ZNF536: variants seen among roughly 807,000 people sequenced by gnomAD.
The protein encoded by ZNF536 is zinc finger protein 536.
Under a neutral mutation model 84.5 loss-of-function variants are expected in ZNF536, and 13 were observed. The ratio of observed to expected loss-of-function variants is 0.15; its 90% CI spans 0.10 to 0.24. The LOEUF (loss-of-function observed/expected upper bound fraction) is 0.24. Among genes scored for constraint, ZNF536 ranks in the 10% least tolerant of loss-of-function variants. The pLI is 1.00. For synonymous variants in ZNF536, 811 were observed against 742.5 expected (o/e 1.09, Z -1.50); for missense variants, 1,536 against 1,747.5 (o/e 0.88, Z 2.16).
At chr19:30,448,040 A>G (rs1382210957) in intron 2 of ZNF536, among the ~76,000 whole-genome samples, 2 of 152,234 alleles carry the variant, frequency 1.3e-5, no homozygotes, top group Admixed American at 6.5e-5. Context: ...GCTTAAAAAG[A>G]ACCAACCGTG....
intron 1 of ZNF536, among the ~76,000 whole-genome samples, chr19:30,691,243 C>T (rs566506442): frequency 2.0e-5 from 3 of 152,192 alleles, no homozygotes; most frequent in African/African-American, 7.2e-5. Context: ...AGACCACCTC[C>T]GCTGGCCCAC....
intron 1 of ZNF536, among the ~76,000 whole-genome samples, chr19:30,431,400 G>A (rs570443994): frequency 2.0e-5 from 3 of 152,166 alleles, no homozygotes; most frequent in African/African-American, 4.8e-5. Flanking sequence ...GGCAGCAGGG[G>A]ACCCGATGGA....
At chr19:30,522,111 A>G (rs1232629628) in intron 2 of ZNF536, among the ~76,000 whole-genome samples, 1 of 151,532 alleles carries the variant, frequency 6.6e-6, no homozygotes, top group Non-Finnish European at 1.5e-5. Flanking sequence ...GACAATGGAC[A>G]GTGGAGTGGC....
chr19:30,492,048 A>G lies in ZNF536; in HGVS notation c.2171-42799A>G, dbSNP rs956417765. Among the ~76,000 whole-genome samples, 7 of 142,690 alleles carry G rather than the reference A, an allele frequency of 4.9e-5. No individual in the cohort carries two copies. The East Asian group carries it at 1.4e-3, about 28-fold the overall frequency. The allele number at this position is 142,690 out of a possible 152,430, so 93.6% of individuals were successfully genotyped here. Reference sequence around the variant, plus strand: ...CCTTTGCCTGGCTCACTAACTGGATATATGTACATAGGCGATGGGCACAGA... The same window carrying G: ...CCTTTGCCTGGCTCACTAACTGGATGTATGTACATAGGCGATGGGCACAGA... On this transcript the variant is annotated intron_variant, in intron 2 of 4. Coordinates refer to ENST00000355537, the MANE Select transcript of ZNF536 (RefSeq NM_014717.3).
intron 1 of ZNF536, among the ~76,000 whole-genome samples, chr19:30,649,576 G>C (rs1225346312): frequency 7.7e-6 from 1 of 129,976 alleles, no homozygotes; most frequent in South Asian, 2.3e-4. Context: ...TTGCTATTGT[G>C]AGATGCATCC....
intron 2 of ZNF536, among the ~76,000 whole-genome samples, chr19:30,491,625 T>TG (rs748768835): frequency 6.6e-6 from 1 of 152,078 alleles, no homozygotes; most frequent in Non-Finnish European, 1.5e-5. Flanking sequence ...CATTTAAAAA[T>TG]GGGGGAGAAT....
chr19:30,383,085 T>C (rs2049085847), intron 1 of ZNF536, among the ~76,000 whole-genome samples: 1 of 151,728 alleles, frequency 6.6e-6, no homozygotes, highest in South Asian at 2.1e-4. Flanking sequence ...AGGTCGGGAG[T>C]TCGAGACCAG....
rs113517028 is a variant in ZNF536 at position 30,586,001 on chromosome 19, A to T, written c.169+36487A>T. 1.7e-3 allele frequency among the ~76,000 whole-genome samples: 260 copies of T among 152,270 alleles called. 1 individual carries two copies. Among genetic ancestry groups the T allele is most frequent in the African/African-American group, 6.1e-3 (253 of 41,550 alleles). On this transcript the variant is annotated intron_variant, in intron 1 of 1. Transcript: ENST00000592773. ...GAGCTCATACGTATCAGTCAATCAG[A>T]CAAGATCCTCTATATACTTCCTCTA...
At chr19:30,423,803 C>G (rs10406409) in intron 1 of ZNF536, among the ~76,000 whole-genome samples, 5 of 144,370 alleles carry the variant, frequency 3.5e-5, no homozygotes, top group Non-Finnish European at 6.0e-5. Context: ...TGGCGGGGAA[C>G]GGGGGCCTGG....
At chr19:30,298,077 A>G (rs951516935) in intron 2 of ZNF536, among the ~76,000 whole-genome samples, 1 of 151,910 alleles carries the variant, frequency 6.6e-6, no homozygotes, top group Non-Finnish European at 1.5e-5. Context: ...ATGGGGTTTC[A>G]TCATATTGGT....
In ZNF536 at chr19:30,418,272, AG is replaced by A. The variant is rs2050815624; in HGVS notation, c.-2-25287del. 3.3e-5 allele frequency among the ~76,000 whole-genome samples: 5 copies of A among 152,278 alleles called. No homozygotes were observed. In the South Asian group the frequency reaches 1.0e-3, roughly 32 times the overall value. On this transcript the variant is annotated intron_variant, in intron 1 of 4. Coordinates refer to ENST00000355537, the MANE Select transcript of ZNF536 (RefSeq NM_014717.3). ...TTCCTGGTGTCCTGTTCTAAAATGAAGGAGACATCTGTGACCTACTCACTGT... is the reference window on the plus strand; with the variant it reads ...TTCCTGGTGTCCTGTTCTAAAATGAAGAGACATCTGTGACCTACTCACTGT...
intron 1 of ZNF536, among the ~76,000 whole-genome samples, chr19:30,626,528 G>A (rs572930371): frequency 6.6e-6 from 1 of 152,270 alleles, no homozygotes; most frequent in South Asian, 2.1e-4. Flanking sequence ...GCTCATTCTG[G>A]TTGCAAAGTT....
upstream of ZNF536, chr19:30,228,489 T>G (rs2022750724): frequency 6.6e-6 from 1 of 151,994 alleles, no homozygotes; most frequent in Non-Finnish European, 1.5e-5. This position sits in a 1 kb window ranked among gnomAD's most constrained non-coding sequence, Gnocchi z 4.5. Flanking sequence ...CCCATAAATC[T>G]GCCCGGCCCG....
At chr19:30,518,996 C>T (rs11671292) in intron 2 of ZNF536, among the ~76,000 whole-genome samples, 14,677 of 152,238 alleles carry the variant, frequency 0.096, 974 homozygotes, top group Non-Finnish European at 0.15. Context: ...GCAGAGCATC[C>T]GTGTGGCGGG....
chr19:30,273,258 T>G (rs2025953815), intron 1 of ZNF536, among the ~76,000 whole-genome samples: 1 of 152,144 alleles, frequency 6.6e-6, no homozygotes, highest in Middle Eastern at 3.2e-3. Flanking sequence ...CTCATTTGTA[T>G]AAATATCAAG....
intron 1 of ZNF536, among the ~76,000 whole-genome samples, chr19:30,258,841 C>T (rs2025047144): frequency 1.3e-5 from 2 of 151,888 alleles, no homozygotes; most frequent in Non-Finnish European, 2.9e-5. Context: ...CCTCAGCCTC[C>T]CGAGTAGCTG....
At chr19:30,288,476 A>G (rs564866863) in intron 2 of ZNF536, among the ~76,000 whole-genome samples, 5 of 152,320 alleles carry the variant, frequency 3.3e-5, no homozygotes, top group African/African-American at 1.2e-4. Flanking sequence ...ACTTATTCTC[A>G]GTGATAAGAG....
intron 1 of ZNF536, among the ~76,000 whole-genome samples, chr19:30,440,150 G>A (rs934178288): frequency 1.3e-5 from 2 of 151,558 alleles, no homozygotes; most frequent in African/African-American, 4.9e-5. Context: ...TAGTAGAGAC[G>A]AAGTTTCAAC....
chr19:30,459,354 C>CT (rs1257308245), intron 2 of ZNF536, among the ~76,000 whole-genome samples: 3,752 of 99,426 alleles, frequency 0.038, 149 homozygotes, highest in African/African-American at 0.094. Context: ...TTCTTTCTCT[C>CT]TTTTTTTTTT....
Sources: allele counts gnomAD v4.1 joint callset (sites outside exome capture counted in the v4.1 genomes callset), GRCh38; gene constraint gnomAD v4.1.1; non-coding constraint Gnocchi (gnomAD v3.1); transcripts MANE v1.5; gene names NCBI Gene and HGNC (gene_info 2026-07-23, HGNC 2026-07-21).